TBC1D19: variants seen among roughly 807,000 people sequenced by gnomAD.
The protein encoded by TBC1D19 is TBC1 domain family member 19.
A neutral mutation model predicts 89.0 loss-of-function variants in TBC1D19; 60 were observed. That is an observed-to-expected ratio of 0.67 (90% confidence interval 0.55 to 0.84). TBC1D19 has a LOEUF of 0.84. Among genes scored for constraint, TBC1D19 ranks in the 40% least tolerant of loss-of-function variants. TBC1D19 has a pLI of 0.00. For synonymous variants in TBC1D19, 189 were observed against 199.7 expected (o/e 0.95, Z 0.45); for missense variants, 500 against 610.8 (o/e 0.82, Z 1.91).
intron 11 of TBC1D19, among the ~76,000 whole-genome samples, chr4:26,680,138 A>T (rs4467548): frequency 0.36 from 55,318 of 151,938 alleles, 11,385 homozygotes; most frequent in Non-Finnish European, 0.47. Flanking sequence ...CCATGATTGT[A>T]AGTTTTCTGA....
At chr4:26,653,717 A>C (rs1744578630) in intron 7 of TBC1D19, among the ~76,000 whole-genome samples, 1 of 151,574 alleles carries the variant, frequency 6.6e-6, no homozygotes. Flanking sequence ...TTTGTTTCCC[A>C]TTTGCTTGGT....
At chr4:26,815,091 C>CAACT in the TBC1D19 span, among the ~76,000 whole-genome samples, 1 of 151,532 alleles carries the variant, frequency 6.6e-6, no homozygotes, top group South Asian at 2.1e-4. Context: ...TTTTTAATAA[C>CAACT]AACTATATCA....
chr4:26,843,655 C>T, the TBC1D19 span, among the ~76,000 whole-genome samples: 2 of 151,974 alleles, frequency 1.3e-5, no homozygotes, highest in Non-Finnish European at 1.5e-5. Context: ...AAAGTCAAGA[C>T]AGATACGATC....
chr4:26,651,537 G>A (rs955253512), intron 7 of TBC1D19, among the ~76,000 whole-genome samples: 1 of 152,132 alleles, frequency 6.6e-6, no homozygotes, highest in African/African-American at 2.4e-5. Context: ...GTATAAGAAT[G>A]TTTGTGATTT....
chr4:26,737,012 T>C (rs1315924732), intron 16 of TBC1D19, among the ~76,000 whole-genome samples: 2 of 152,204 alleles, frequency 1.3e-5, no homozygotes, highest in Non-Finnish European at 2.9e-5. Context: ...TTCTATCCCC[T>C]ACCTTTAGAA....
chr4:26,676,651 A>G (rs1019786938), intron 11 of TBC1D19, among the ~76,000 whole-genome samples: 2 of 151,582 alleles, frequency 1.3e-5, no homozygotes, highest in Non-Finnish European at 2.9e-5. Flanking sequence ...CCCGGGAGGC[A>G]GAGCTTGCAG....
Position 26,686,752 on chromosome 4 carries a change from A to G in TBC1D19, c.892-1593A>G, listed in dbSNP as rs954549130. ...TTGTCTGGGTTGTCTTCTGACATAA[A>G]AGGCTGGACTGTTTCTTTCTCCTTA... On this transcript the variant is annotated intron_variant, in intron 12 of 20. Transcript: ENST00000264866. Among the ~76,000 whole-genome samples the G allele has an allele frequency of 3.9e-5, 6 of 152,200 alleles. 1 individual carries two copies. Among genetic ancestry groups the G allele is most frequent in the Admixed American group, 3.9e-4 (6 of 15,286 alleles).
chr4:26,623,657 C>T (rs1242463994), intron 4 of TBC1D19, among the ~76,000 whole-genome samples: 2 of 152,084 alleles, frequency 1.3e-5, no homozygotes, highest in Non-Finnish European at 2.9e-5. Flanking sequence ...AAATGACCAT[C>T]TCTTCCTGAA....
At chr4:26,629,842 A>G (rs935985358) in intron 4 of TBC1D19, among the ~76,000 whole-genome samples, 16 of 151,894 alleles carry the variant, frequency 1.1e-4, no homozygotes, top group African/African-American at 3.9e-4. Flanking sequence ...TTTAATCCAA[A>G]ATATATATGT....
chr4:26,790,362 TA>T, the TBC1D19 span, among the ~76,000 whole-genome samples: 2 of 152,154 alleles, frequency 1.3e-5, no homozygotes, highest in Non-Finnish European at 2.9e-5. Flanking sequence ...GTTACTTGAG[TA>T]AAAATAAATT....
the TBC1D19 span, among the ~76,000 whole-genome samples, chr4:26,793,501 G>A: frequency 1.3e-5 from 2 of 152,246 alleles, 1 homozygote. Flanking sequence ...AAGGCGGGCA[G>A]ATCACTTGAT....
chr4:26,604,399 G>T (rs889346620), intron 1 of TBC1D19, among the ~76,000 whole-genome samples: 4 of 150,734 alleles, frequency 2.7e-5, no homozygotes, highest in Admixed American at 1.3e-4. Context: ...TGATCCGCCC[G>T]CCTCGGCCTC....
intron 4 of TBC1D19, among the ~76,000 whole-genome samples, chr4:26,621,717 A>G (rs939138859): frequency 6.6e-6 from 1 of 152,202 alleles, no homozygotes; most frequent in African/African-American, 2.4e-5. Flanking sequence ...TTCTATCTCT[A>G]GGTGGTATCT....
chr4:26,836,850 G>A, the TBC1D19 span, among the ~76,000 whole-genome samples: 1 of 152,166 alleles, frequency 6.6e-6, no homozygotes, highest in Non-Finnish European at 1.5e-5. Flanking sequence ...TTTAGCTATG[G>A]CTTCTTTTCT....
intron 3 of TBC1D19, among the ~76,000 whole-genome samples, chr4:26,617,478 C>T (rs1474600526): frequency 1.3e-5 from 2 of 152,212 alleles, no homozygotes; most frequent in African/African-American, 2.4e-5. Context: ...AGGTATATGT[C>T]TTATCTCTTG....
chr4:26,842,335 CTTTTCTTTT>C, the TBC1D19 span, among the ~76,000 whole-genome samples: 6 of 87,490 alleles, frequency 6.9e-5, no homozygotes, highest in African/African-American at 2.4e-4. Flanking sequence ...CTTTTCTTTT[CTTTTCTTTT>C]TTTTTTTTTT....
At chr4:26,711,684 T>C (rs1716199219) in intron 13 of TBC1D19, among the ~76,000 whole-genome samples, 3 of 152,082 alleles carry the variant, frequency 2.0e-5, no homozygotes, top group Non-Finnish European at 4.4e-5. Flanking sequence ...TTCATCCTGA[T>C]GAAGTTTAAT....
chr4:26,817,285 G>A, the TBC1D19 span, among the ~76,000 whole-genome samples: 16 of 151,532 alleles, frequency 1.1e-4, no homozygotes, highest in Admixed American at 3.9e-4. Flanking sequence ...CCCCTCTCCC[G>A]CACCCCGCCG....
the TBC1D19 span, among the ~76,000 whole-genome samples, chr4:26,772,481 G>T: frequency 1.2e-3 from 182 of 152,002 alleles, no homozygotes; most frequent in Non-Finnish European, 1.9e-3. Context: ...CAACTTTTAA[G>T]TTCAGGGGTA....
Sources: gnomAD v4.1 joint callset for allele counts (sites outside exome capture counted in the v4.1 genomes callset) on GRCh38, gnomAD v4.1.1 for gene constraint, MANE v1.5 for transcripts, NCBI Gene and HGNC (gene_info 2026-07-23, HGNC 2026-07-21) for gene names.